The following GALNT9 variants were observed in gnomAD, a reference collection of about 807,000 sequenced individuals.
The protein encoded by GALNT9 is GalNAc transferase 9.
In GALNT9, 47 loss-of-function variants were observed where a neutral mutation model predicts 63.1. That is an observed-to-expected ratio of 0.75 (90% CI 0.59 to 0.95). The LOEUF (loss-of-function observed/expected upper bound fraction) is 0.95, where lower values mean the gene tolerates loss of function less well. Ranked by LOEUF, GALNT9 falls within the 40% of genes least tolerant of loss-of-function variation. The pLI, the probability that GALNT9 is intolerant of heterozygous loss-of-function variation, is 0.00. For missense variants in GALNT9, 829 were observed against 874.8 expected, an observed-to-expected ratio of 0.95 and a Z score of 0.66; for synonymous variants, 396 against 365.7, an observed-to-expected ratio of 1.08 and a Z score of -0.94.
intron 1 of GALNT9, among the ~76,000 whole-genome samples, chr12:132,303,389 AGCCT>A (rs1881388804): frequency 7.2e-6 from 1 of 139,216 alleles, no homozygotes; most frequent in Non-Finnish European, 1.5e-5. Flanking sequence ...TCCGGGGCAC[AGCCT>A]CGCCCGGGCA....
At chr12:132,305,991 G>A (rs1881596694) in intron 1 of GALNT9, among the ~76,000 whole-genome samples, 1 of 152,068 alleles carries the variant, frequency 6.6e-6, no homozygotes, top group African/African-American at 2.4e-5. Context: ...CTCACGGCGG[G>A]GCCCACCCTC....
chr12:132,214,134 AAG>A (rs1877086249), intron 6 of GALNT9, among the ~76,000 whole-genome samples: 1 of 152,154 alleles, frequency 6.6e-6, no homozygotes. Context: ...GCACCTGGAG[AAG>A]AGAGAGCCGA....
intron 1 of GALNT9, among the ~76,000 whole-genome samples, chr12:132,322,115 T>G (rs1868830353): frequency 6.6e-6 from 1 of 152,240 alleles, no homozygotes; most frequent in Admixed American, 6.5e-5. Context: ...GCAAAGACCC[T>G]GTTTCTAAAT....
Position 132,279,944 on chromosome 12 carries a change from C to G in GALNT9, c.419+6306G>C. ...CCTCCAGGTCTCCTGGATTCACTTC[C>G]TGAATGCCCAGTGTCTGCTAGGTCT... On this transcript the variant is annotated intron_variant, in intron 2 of 10. Transcript: ENST00000328957. This position sits in a 1 kb window ranked among gnomAD's most constrained non-coding sequence, Gnocchi z 4.1. The G allele has an allele frequency of 6.6e-6, 1 of 151,740 alleles. No homozygotes were observed. The highest frequency in any genetic ancestry group is 2.1e-4 in the South Asian group (1 of 4,772). The allele number at this position is 151,740 out of a possible 1,614,324, so 9.4% of individuals were successfully genotyped here. A position where few individuals can be genotyped will look rare whatever the true frequency, so the allele number is the denominator to read the frequency against.
chr12:132,222,185 G>C (rs1008102251), intron 6 of GALNT9, among the ~76,000 whole-genome samples: 2 of 152,118 alleles, frequency 1.3e-5, no homozygotes, highest in African/African-American at 2.4e-5. Flanking sequence ...ACGGATGAAG[G>C]CTTTTAATTT....
At chr12:132,240,048 A>T (rs2136897757) in intron 6 of GALNT9, among the ~76,000 whole-genome samples, 3 of 152,146 alleles carry the variant, frequency 2.0e-5, no homozygotes, top group Non-Finnish European at 2.9e-5. Context: ...ACACAGGAAG[A>T]TCCACAGTCC....
At chr12:132,213,120 C>T (rs867717427) in intron 6 of GALNT9, among the ~76,000 whole-genome samples, 119 of 23,632 alleles carry the variant, frequency 5.0e-3, no homozygotes, top group Admixed American at 6.6e-3. Context: ...CTTCAGACCT[C>T]GACACGGAAA....
intron 1 of GALNT9, among the ~76,000 whole-genome samples, chr12:132,314,166 C>A (rs868918460): frequency 3.8e-5 from 5 of 133,082 alleles, no homozygotes; most frequent in African/African-American, 1.4e-4. Context: ...TTCCATCCAC[C>A]TACCCACCAT....
intron 5 of GALNT9, among the ~76,000 whole-genome samples, chr12:132,254,273 G>A (rs1444526177): frequency 3.9e-5 from 6 of 152,164 alleles, no homozygotes; most frequent in Non-Finnish European, 1.5e-5. Flanking sequence ...CCTCCCAAAA[G>A]TGCTGGAAAT....
chr12:132,288,678 C>T (rs149794409), intron 1 of GALNT9, among the ~76,000 whole-genome samples: 8 of 150,204 alleles, frequency 5.3e-5, no homozygotes, highest in Non-Finnish European at 1.2e-4. Context: ...GCCCGATGCC[C>T]GGCATTGGAC....
At chr12:132,206,715 C>T (rs1169217961) in intron 6 of GALNT9, among the ~76,000 whole-genome samples, 4 of 151,868 alleles carry the variant, frequency 2.6e-5, no homozygotes, top group South Asian at 2.1e-4. Flanking sequence ...GAGGGAGGAC[C>T]GTGGACCTGA....
At chr12:132,220,019 G>A (rs921553100) in intron 6 of GALNT9, among the ~76,000 whole-genome samples, 5 of 152,110 alleles carry the variant, frequency 3.3e-5, no homozygotes, top group African/African-American at 7.2e-5. Flanking sequence ...AGTGCCAGGA[G>A]GAGACGCTCT....
At chr12:132,202,505 G>C (rs1184228875) in intron 7 of GALNT9, among the ~76,000 whole-genome samples, 1 of 152,064 alleles carries the variant, frequency 6.6e-6, no homozygotes, top group Non-Finnish European at 1.5e-5. Flanking sequence ...GGGGTGGTAA[G>C]CCAATTTAGG....
intron 6 of GALNT9, among the ~76,000 whole-genome samples, chr12:132,239,258 A>T (rs2136896615): frequency 6.6e-5 from 10 of 152,010 alleles, no homozygotes; most frequent in Non-Finnish European, 1.5e-4. Context: ...TGAGAGACTG[A>T]GAGACAGAGA....
At chr12:132,206,324 A>C (rs750285611) in intron 6 of GALNT9, among the ~76,000 whole-genome samples, 1 of 152,182 alleles carries the variant, frequency 6.6e-6, no homozygotes, top group Non-Finnish European at 1.5e-5. Context: ...TCCAGCCTTC[A>C]AAGCTCTAGT....
Position 132,303,414 on chromosome 12 carries a change from C to A in GALNT9, c.239-16984G>T, listed in dbSNP as rs61945666. On this transcript the variant is annotated intron_variant, in intron 1 of 10. Transcript: ENST00000328957. The stretch of plus-strand genomic sequence containing the variant: ...AGCCTCGCCCGGGCACACCCTCACC[C>A]GGGCACAGCCTCGCCCGGGCACACC... Among the ~76,000 whole-genome samples the A allele has an allele frequency of 1.1e-4, 10 of 92,160 alleles. 2 individuals are homozygous for A. Among genetic ancestry groups the A allele is most frequent in the East Asian group, 3.0e-4 (1 of 3,302 alleles). 60.5% of individuals were successfully genotyped at this position (92,160 alleles called of 152,430 possible).
intron 2 of GALNT9, among the ~76,000 whole-genome samples, chr12:132,268,312 C>T (rs942325012): frequency 6.6e-6 from 1 of 152,190 alleles, no homozygotes; most frequent in African/African-American, 2.4e-5. Flanking sequence ...TGCTCTCACA[C>T]ACACACCTTG....
chr12:132,250,150 C>A (rs1878853002), intron 5 of GALNT9, among the ~76,000 whole-genome samples: 2 of 152,206 alleles, frequency 1.3e-5, no homozygotes, highest in South Asian at 2.1e-4. Flanking sequence ...CGTGGAGGAA[C>A]CCTGGAAACG....
In GALNT9 at chr12:132,282,412, CGT is replaced by C. The variant is rs1269130517; in HGVS notation, c.419+3836_419+3837del. On this transcript the variant is annotated intron_variant, in intron 2 of 10. Coordinates refer to ENST00000328957, the MANE Select transcript of GALNT9 (RefSeq NM_001122636.2). The surrounding 1 kb of genome is among the most constrained non-coding windows in gnomAD (Gnocchi z 4.5). ...AAAAATACGTGTGTGCGCGTGTGTGCGTGTGTGTGCGTGTGTGCGTGCATGCG... is the reference window on the plus strand; with the variant it reads ...AAAAATACGTGTGTGCGCGTGTGTGCGTGTGTGCGTGTGTGCGTGCATGCG... Among the ~76,000 whole-genome samples, 16 of 148,114 alleles carry C rather than the reference CGT, an allele frequency of 1.1e-4. No homozygotes were observed. The highest frequency in any genetic ancestry group is 3.2e-4 in the African/African-American group (13 of 41,104).
Sources: gnomAD v4.1 joint callset for allele counts (sites outside exome capture counted in the v4.1 genomes callset) on GRCh38, gnomAD v4.1.1 for gene constraint, Gnocchi (gnomAD v3.1) non-coding constraint, MANE v1.5 for transcripts, NCBI Gene and HGNC (gene_info 2026-07-23, HGNC 2026-07-21) for gene names.